The following ADAMTSL1 variants were observed in gnomAD, a reference collection of about 807,000 sequenced individuals.
The protein encoded by ADAMTSL1 is ADAMTS like 1.
ADAMTSL1 carries 126 observed loss-of-function variants against 201.8 expected under a neutral mutation model. The observed-to-expected ratio is 0.62, with a 90% confidence interval of 0.54 to 0.72. The LOEUF (loss-of-function observed/expected upper bound fraction) is 0.72, where lower values mean the gene tolerates loss of function less well. Among genes scored for constraint, ADAMTSL1 ranks in the 30% least tolerant of loss-of-function variants. The pLI is 0.00. For synonymous variants in ADAMTSL1, 1,121 were observed against 903.4 expected, an observed-to-expected ratio of 1.24 and a Z score of -4.32; for missense variants, 2,679 against 2,277.8, an observed-to-expected ratio of 1.18 and a Z score of -3.59.
At chr9:18,534,187 G>T (rs1002592432) in intron 3 of ADAMTSL1, among the ~76,000 whole-genome samples, 2 of 152,144 alleles carry the variant, frequency 1.3e-5, no homozygotes, top group Non-Finnish European at 2.9e-5. Flanking sequence ...TTTTAGAAAG[G>T]TTAATTTTTT....
chr9:18,649,643 T>A (rs1031701900), intron 7 of ADAMTSL1, among the ~76,000 whole-genome samples: 1 of 152,208 alleles, frequency 6.6e-6, no homozygotes, highest in African/African-American at 2.4e-5. Context: ...TGGAGTTTGC[T>A]AGATTTCCAC....
chr9:18,274,662 G>A (rs533940280), intron 2 of ADAMTSL1, among the ~76,000 whole-genome samples: 3 of 152,060 alleles, frequency 2.0e-5, no homozygotes, highest in African/African-American at 7.2e-5. Context: ...CAAAAACAGA[G>A]TTTGGAAAAG....
intron 1 of ADAMTSL1, among the ~76,000 whole-genome samples, chr9:18,099,343 ATATATATATATAT>A (rs1300413013): frequency 5.7e-5 from 3 of 52,304 alleles, no homozygotes; most frequent in South Asian, 6.2e-4. Context: ...ATATATATAT[ATATATATATATAT>A]TTTTTTTTTT....
chr9:18,379,571 G>A (rs1837460239), intron 2 of ADAMTSL1, among the ~76,000 whole-genome samples: 1 of 152,158 alleles, frequency 6.6e-6, no homozygotes, highest in Admixed American at 6.6e-5. Context: ...TTTGTCTTTT[G>A]ACAATGGGAA....
rs141361234 is a variant in ADAMTSL1 at position 18,365,993 on chromosome 9, C to T, written c.208-138836C>T. 5.2e-3 allele frequency among the ~76,000 whole-genome samples: 799 copies of T among 152,228 alleles called. 7 individuals carry two copies. The highest frequency in any genetic ancestry group is 0.019 in the African/African-American group (771 of 41,524). On this transcript the variant is annotated intron_variant, in intron 2 of 29. Coordinates refer to the ADAMTSL1 transcript ENST00000680146. ...TTTCATTCCCAAACCTCTCGCCTGC[C>T]CTGTCCATGGAAAAATTGTCTTTCA... is the stretch of plus-strand genomic sequence containing the variant.
intron 5 of ADAMTSL1, among the ~76,000 whole-genome samples, chr9:18,632,929 C>T (rs1174672123): frequency 6.6e-6 from 1 of 152,130 alleles, no homozygotes; most frequent in Non-Finnish European, 1.5e-5. Context: ...TCCTCAACAA[C>T]TTTCTAGGAG....
intron 6 of ADAMTSL1, 71 bp from the exon 7 acceptor site, chr9:18,639,183 G>A: frequency 6.9e-7 from 1 of 1,458,608 alleles, no homozygotes; most frequent in Non-Finnish European, 9.6e-7. Context: ...AAACATTGTT[G>A]CATGAAATGT....
At chr9:18,310,134 A>T (rs1041380381) in intron 2 of ADAMTSL1, among the ~76,000 whole-genome samples, 1 of 152,082 alleles carries the variant, frequency 6.6e-6, no homozygotes, top group Non-Finnish European at 1.5e-5. Context: ...GGCTAGCCAT[A>T]TGCAGAAAAC....
chr9:18,889,598 C>A lies in ADAMTSL1; in HGVS notation c.4493C>A (p.Thr1498Asn). 1 of 1,613,884 alleles carries A rather than the reference C, an allele frequency of 6.2e-7. No individual in the cohort carries two copies. The highest frequency in any genetic ancestry group is 8.5e-7 in the Non-Finnish European group (1 of 1,179,834). The change falls in exon 25 of 29, where the codon ACC becomes AAC. Residue 1498 changes from threonine to asparagine, a missense_variant. By Grantham distance (65) the Thr-to-Asn change is moderately conservative (BLOSUM62 0). Transcript: ENST00000380548. ...DYWWSVDRLATCSASCGNRGV... is the reference protein window; with the variant it reads ...DYWWSVDRLANCSASCGNRGV... ...TGGTGGTCTGTGGACAGACTGGCAA[C>A]CTGCTCAGCCTCCTGTGGTAACCGG...
intron 2 of ADAMTSL1, among the ~76,000 whole-genome samples, chr9:18,402,524 C>G (rs180839970): frequency 2.5e-4 from 38 of 152,270 alleles, no homozygotes; most frequent in African/African-American, 8.7e-4. Flanking sequence ...TCTTGTCCTT[C>G]CTCTCCATAG....
chr9:18,450,576 G>GAT (rs952565021), intron 2 of ADAMTSL1, among the ~76,000 whole-genome samples: 8 of 151,262 alleles, frequency 5.3e-5, no homozygotes, highest in Non-Finnish European at 1.2e-4. Context: ...TACATATATA[G>GAT]ATATATATAT....
Position 18,474,228 on chromosome 9 carries a change from CA to C in ADAMTSL1, c.-3del. 2 of 1,614,082 alleles carry C rather than the reference CA, an allele frequency of 1.2e-6. No homozygotes were observed. Among genetic ancestry groups the C allele is most frequent in the Non-Finnish European group, 1.7e-6 (2 of 1,179,970 alleles). On this transcript the variant is annotated 5_prime_UTR_variant, in exon 1 of 29. Coordinates refer to ENST00000380548, the MANE Select transcript of ADAMTSL1 (RefSeq NM_001040272.6). Reference sequence around the variant, plus strand: ...TCCGATTCTGATTCCGGCAAGGATCCAAGCATGGAATGCTGCCGTCGGGCAA... The same window carrying C: ...TCCGATTCTGATTCCGGCAAGGATCCAGCATGGAATGCTGCCGTCGGGCAA...
chr9:18,103,785 AG>A (rs1437954198), intron 1 of ADAMTSL1, among the ~76,000 whole-genome samples: 3 of 152,174 alleles, frequency 2.0e-5, no homozygotes, highest in Non-Finnish European at 2.9e-5. Context: ...AAAAGCTGGA[AG>A]GGGCTTTAGA....
At chr9:17,915,930 T>A (rs1826074267) in intron 1 of ADAMTSL1, among the ~76,000 whole-genome samples, 1 of 144,280 alleles carries the variant, frequency 6.9e-6, no homozygotes, top group African/African-American at 2.6e-5. Context: ...TGGCTGTGAA[T>A]TTTTTTTTTT....
At chr9:18,327,374 G>T (rs1834868414) in intron 2 of ADAMTSL1, among the ~76,000 whole-genome samples, 1 of 152,214 alleles carries the variant, frequency 6.6e-6, no homozygotes, top group Admixed American at 6.5e-5. Flanking sequence ...GTAGAGTCAG[G>T]CCCTATGGGC....
At chr9:18,904,417 C>T (rs968109094) in intron 26 of ADAMTSL1, among the ~76,000 whole-genome samples, 44 of 151,832 alleles carry the variant, frequency 2.9e-4, no homozygotes, top group Non-Finnish European at 5.2e-4. Flanking sequence ...TGCAGTAAGC[C>T]GAGATTGCAC....
chr9:18,435,897 G>T (rs1819710322), intron 2 of ADAMTSL1, among the ~76,000 whole-genome samples: 1 of 152,128 alleles, frequency 6.6e-6, no homozygotes, highest in Non-Finnish European at 1.5e-5. Context: ...ATCTTCCACG[G>T]GGTTCCTCCC....
intron 2 of ADAMTSL1, among the ~76,000 whole-genome samples, chr9:18,422,652 T>G (rs1819012744): frequency 6.6e-6 from 1 of 152,144 alleles, no homozygotes; most frequent in African/African-American, 2.4e-5. Context: ...TTTCTAGTTT[T>G]CACAAAAACT....
At chr9:18,874,839 T>A (rs1482985836) in intron 23 of ADAMTSL1, among the ~76,000 whole-genome samples, 1 of 152,178 alleles carries the variant, frequency 6.6e-6, no homozygotes, top group African/African-American at 2.4e-5. Context: ...TCAGTAGGAT[T>A]GGTACTAACT....
Sources: allele counts gnomAD v4.1 joint callset (sites outside exome capture counted in the v4.1 genomes callset), GRCh38; gene constraint gnomAD v4.1.1; transcripts MANE v1.5; gene names NCBI Gene and HGNC (gene_info 2026-07-23, HGNC 2026-07-21).